Variants in BMPR1A observed in about 807,000 individuals in gnomAD.
BMPR1A encodes bone morphogenetic protein receptor type 1A, also known as bone morphogenetic protein receptor type-1A.
A neutral mutation model predicts 66.0 loss-of-function variants in BMPR1A; 7 were observed. The ratio of observed to expected loss-of-function variants is 0.11; its 90% CI spans 0.06 to 0.20. The LOEUF (loss-of-function observed/expected upper bound fraction) is 0.20. Among genes scored for constraint, BMPR1A ranks in the 10% least tolerant of loss-of-function variants. The pLI is 1.00. For synonymous variants in BMPR1A, 200 were observed against 229.7 expected, an observed-to-expected ratio of 0.87 and a Z score of 1.17; for missense variants, 408 against 669.1, an observed-to-expected ratio of 0.61 and a Z score of 4.31.
At chr10:86,763,119 C>A (rs773197933) in intron 1 of BMPR1A, among the ~76,000 whole-genome samples, 7 of 152,086 alleles carry the variant, frequency 4.6e-5, no homozygotes, top group Admixed American at 3.3e-4. Context: ...TGATCTCGAA[C>A]TCCTGACCTC....
intron 6 of BMPR1A, 38 bp downstream of exon 6, chr10:86,899,928 A>G (rs1472804877): frequency 2.5e-6 from 4 of 1,609,868 alleles, no homozygotes; most frequent in African/African-American, 1.3e-5. Context: ...TGCTTCTCAA[A>G]TATCTTCTCT....
intron 1 of BMPR1A, among the ~76,000 whole-genome samples, chr10:86,817,883 C>T (rs1249701672): frequency 1.3e-5 from 2 of 152,194 alleles, no homozygotes; most frequent in Non-Finnish European, 2.9e-5. Context: ...ATCACACTGA[C>T]ACCAAAGTTA....
chr10:86,774,090 A>G (rs1841308220), intron 1 of BMPR1A, among the ~76,000 whole-genome samples: 1 of 152,012 alleles, frequency 6.6e-6, no homozygotes, highest in Non-Finnish European at 1.5e-5. Context: ...ACCTCAGATG[A>G]TCGCCCGCCT....
chr10:86,770,372 A>T (rs1158065437), intron 1 of BMPR1A, among the ~76,000 whole-genome samples: 1 of 148,036 alleles, frequency 6.8e-6, no homozygotes, highest in African/African-American at 2.7e-5. Flanking sequence ...TGATCTTATC[A>T]CTGCACTTCA....
intron 2 of BMPR1A, among the ~76,000 whole-genome samples, chr10:86,845,518 A>T (rs960193775): frequency 1.3e-5 from 2 of 152,132 alleles, no homozygotes; most frequent in African/African-American, 4.8e-5. Flanking sequence ...CTCCACTCCC[A>T]CTTGAGTCAG....
In BMPR1A at chr10:86,924,344, G is replaced by T. The variant is rs1350474736; in HGVS notation, c.*625G>T. ...GAAGATATTGGTGGCCGGTGGTTTT[G>T]TGCTTTAAAAATGCAATATCTGACC... On this transcript the variant is annotated 3_prime_UTR_variant, in exon 13 of 13. Coordinates refer to ENST00000372037, the MANE Select transcript of BMPR1A (RefSeq NM_004329.3). The T allele has an allele frequency of 8.5e-6, 2 of 235,788 alleles. No homozygotes were observed. The highest frequency in any genetic ancestry group is 4.4e-5 in the African/African-American group (2 of 45,352). The allele number at this position is 235,788 out of a possible 1,614,324, so 14.6% of individuals were successfully genotyped here. A position where few individuals can be genotyped will look rare whatever the true frequency, so the allele number is the denominator to read the frequency against.
chr10:86,821,932 T>G (rs545657544), intron 1 of BMPR1A, among the ~76,000 whole-genome samples: 19 of 152,184 alleles, frequency 1.2e-4, no homozygotes, highest in Admixed American at 9.8e-4. Flanking sequence ...GCCTCCTGAG[T>G]AGCTGGGACA....
rs1843746605 is a variant in BMPR1A, at chr10:86,926,442, ATC to A, written c.*2724_*2725del. 1 of 157,658 alleles carries A rather than the reference ATC, an allele frequency of 6.3e-6. No homozygotes were observed. Among genetic ancestry groups the A allele is most frequent in the Non-Finnish European group, 1.4e-5 (1 of 71,312 alleles). 9.8% of individuals were successfully genotyped at this position (157,658 alleles called of 1,614,324 possible). ...GGCTGAAGCAGGAGAATTGCTTAAA[ATC>A]AGAAGGTGGAGGTTGCAGTGAGCTG... On this transcript the variant is annotated 3_prime_UTR_variant, in exon 13 of 13. Coordinates refer to ENST00000372037, the MANE Select transcript of BMPR1A (RefSeq NM_004329.3).
chr10:86,866,221 CTTTT>C (rs567037609), intron 2 of BMPR1A, among the ~76,000 whole-genome samples: 5 of 124,002 alleles, frequency 4.0e-5, no homozygotes, highest in Admixed American at 8.3e-5. Context: ...GAAGAGGGAG[CTTTT>C]TTTTTTTTTT....
chr10:86,793,928 C>G (rs1350452450), intron 1 of BMPR1A, among the ~76,000 whole-genome samples: 1 of 152,084 alleles, frequency 6.6e-6, no homozygotes, highest in Non-Finnish European at 1.5e-5. Flanking sequence ...ATCAGGCTCC[C>G]CTTCCTGTTC....
At chr10:86,849,491 C>T (rs1202052457) in intron 2 of BMPR1A, among the ~76,000 whole-genome samples, 1 of 152,214 alleles carries the variant, frequency 6.6e-6, no homozygotes, top group Non-Finnish European at 1.5e-5. Context: ...AGCTTCTGTG[C>T]TCTGTTACTA....
At chr10:86,899,397 C>T (rs1370452084) in intron 5 of BMPR1A, among the ~76,000 whole-genome samples, 1 of 152,232 alleles carries the variant, frequency 6.6e-6, no homozygotes, top group Non-Finnish European at 1.5e-5. Context: ...GGGTCTGCAG[C>T]GCCTCTGCAC....
chr10:86,773,129 T>TG (rs376755287), intron 1 of BMPR1A, among the ~76,000 whole-genome samples: 29,034 of 131,518 alleles, frequency 0.22, 5,010 homozygotes, highest in African/African-American at 0.51. Flanking sequence ...TCTAGTTATC[T>TG]TTTTTTTTTT....
chr10:86,856,910 C>T (rs1842649327), intron 2 of BMPR1A, among the ~76,000 whole-genome samples: 1 of 152,174 alleles, frequency 6.6e-6, no homozygotes. Flanking sequence ...ACTTAAGTTA[C>T]ACTTTAATTA....
rs371931887 is a variant in BMPR1A at position 86,857,879 on chromosome 10, A to G, written c.-152-17988A>G. ...TGCTATGTTGACCAGGCTGGTCTCAAACTCCTGGTCTCAAGCAGTCCTCCT... is the reference window on the plus strand; with the variant it reads ...TGCTATGTTGACCAGGCTGGTCTCAGACTCCTGGTCTCAAGCAGTCCTCCT... On this transcript the variant is annotated intron_variant, in intron 2 of 12. Transcript: ENST00000372037. Among the ~76,000 whole-genome samples, 5 of 152,074 alleles carry G rather than the reference A, an allele frequency of 3.3e-5. No individual in the cohort carries two copies. In the East Asian group the frequency reaches 7.7e-4, roughly 23 times the overall value.
intron 3 of BMPR1A, among the ~76,000 whole-genome samples, chr10:86,882,411 A>ACC (rs1843002383): frequency 6.6e-6 from 1 of 151,936 alleles, no homozygotes; most frequent in Admixed American, 6.6e-5. Context: ...CAACAGAGTG[A>ACC]GACCCTGTCT....
intron 2 of BMPR1A, among the ~76,000 whole-genome samples, chr10:86,848,901 A>G (rs760865416): frequency 3.3e-5 from 5 of 152,172 alleles, no homozygotes; most frequent in Non-Finnish European, 5.9e-5. Flanking sequence ...CCCCCCCTCT[A>G]TAATAGTTTT....
chr10:86,775,360 G>C (rs1038073651), intron 1 of BMPR1A, among the ~76,000 whole-genome samples: 1 of 152,126 alleles, frequency 6.6e-6, no homozygotes, highest in Admixed American at 6.6e-5. Flanking sequence ...GACATGCTTT[G>C]AGTCATGAGG....
chr10:86,892,074 G>C, intron 4 of BMPR1A, 53 bp from the exon 5 acceptor site: 2 of 1,458,554 alleles, frequency 1.4e-6, no homozygotes, highest in Non-Finnish European at 1.9e-6. Context: ...AATTTCGTTA[G>C]TACTTTCTAT....
Sources: allele counts gnomAD v4.1 joint callset (sites outside exome capture counted in the v4.1 genomes callset), GRCh38; gene constraint gnomAD v4.1.1; transcripts MANE v1.5; gene names NCBI Gene and HGNC (gene_info 2026-07-23, HGNC 2026-07-21).